Variants in RFX3 observed in about 807,000 individuals in gnomAD.
RFX3 encodes the protein transcription factor RFX3.
A neutral mutation model predicts 98.6 loss-of-function variants in RFX3; 14 were observed. The observed-to-expected ratio is 0.14, with a 90% confidence interval of 0.09 to 0.22. The LOEUF (loss-of-function observed/expected upper bound fraction) is 0.22, where lower values mean the gene tolerates loss of function less well. RFX3 is among the 10% of genes least tolerant of loss of function. RFX3 has a pLI of 1.00. For synonymous variants in RFX3, 383 were observed against 328.4 expected, an observed-to-expected ratio of 1.17 and a Z score of -1.80; for missense variants, 639 against 926.9, an observed-to-expected ratio of 0.69 and a Z score of 4.03.
intron 2 of RFX3, among the ~76,000 whole-genome samples, chr9:3,374,784 T>G (rs1403917065): frequency 2.6e-5 from 4 of 152,060 alleles, no homozygotes; most frequent in Non-Finnish European, 4.4e-5. Context: ...ACAATGTGAA[T>G]GTAATTAACA....
chr9:3,515,320 T>A (rs1423379530), intron 1 of RFX3, among the ~76,000 whole-genome samples: 1 of 152,206 alleles, frequency 6.6e-6, no homozygotes, highest in African/African-American at 2.4e-5. Context: ...ACAGATATAT[T>A]GATTCTTTGG....
chr9:3,292,498 G>A (rs556019761), intron 6 of RFX3, among the ~76,000 whole-genome samples: 2 of 152,186 alleles, frequency 1.3e-5, no homozygotes, highest in East Asian at 1.9e-4. Flanking sequence ...CTAATAAGAG[G>A]TAAAATAGAG....
chr9:3,309,334 G>A (rs1490872391), intron 4 of RFX3, among the ~76,000 whole-genome samples: 1 of 152,120 alleles, frequency 6.6e-6, no homozygotes, highest in Non-Finnish European at 1.5e-5. Context: ...AGAACCTGTA[G>A]GGTACAGGGC....
intron 2 of RFX3, among the ~76,000 whole-genome samples, chr9:3,365,277 T>C (rs949655356): frequency 4.3e-5 from 6 of 139,548 alleles, no homozygotes; most frequent in African/African-American, 1.6e-4. Context: ...TCCAGCCTGG[T>C]GACAGAGAGA....
chr9:3,246,550 G>C (rs367554564), intron 15 of RFX3, among the ~76,000 whole-genome samples: 1 of 152,214 alleles, frequency 6.6e-6, no homozygotes, highest in Admixed American at 6.5e-5. Context: ...TTGAGCATAT[G>C]AGGTAGTGGC....
At chr9:3,249,138 G>A (rs1821059288) in intron 14 of RFX3, among the ~76,000 whole-genome samples, 1 of 152,062 alleles carries the variant, frequency 6.6e-6, no homozygotes, top group Admixed American at 6.6e-5. Flanking sequence ...GTATTCTCAG[G>A]AGAAAGAGGT....
At chr9:3,387,965 C>A (rs72699077) in intron 2 of RFX3, among the ~76,000 whole-genome samples, 5,766 of 152,216 alleles carry the variant, frequency 0.038, 155 homozygotes, top group Non-Finnish European at 0.057. Flanking sequence ...CTAACAAATT[C>A]ATTTAAGATA....
intron 3 of RFX3, among the ~76,000 whole-genome samples, chr9:3,343,591 T>C (rs1482567817): frequency 6.6e-6 from 1 of 152,242 alleles, no homozygotes; most frequent in Non-Finnish European, 1.5e-5. Flanking sequence ...AAAAATTTTC[T>C]AGTCCTATTT....
chr9:3,453,422 T>A (rs767910045), intron 1 of RFX3: 1 of 152,006 alleles, frequency 6.6e-6, no homozygotes, highest in Admixed American at 6.6e-5. Context: ...TAATTCTGTC[T>A]CGGCACAGTG....
chr9:3,282,514 G>C (rs1212213768), intron 7 of RFX3, among the ~76,000 whole-genome samples: 1 of 151,690 alleles, frequency 6.6e-6, no homozygotes, highest in Admixed American at 6.6e-5. Context: ...AGAGTTGTGG[G>C]TCATTCATTC....
intron 1 of RFX3, among the ~76,000 whole-genome samples, chr9:3,466,518 A>T (rs1848237576): frequency 6.6e-6 from 1 of 152,226 alleles, no homozygotes; most frequent in African/African-American, 2.4e-5. Flanking sequence ...ATAGGTTGGC[A>T]CAAAAGTAAT....
chr9:3,286,760 A>C (rs986533514), intron 7 of RFX3, among the ~76,000 whole-genome samples: 2 of 151,872 alleles, frequency 1.3e-5, no homozygotes, highest in African/African-American at 2.4e-5. Flanking sequence ...ATCTCCCACT[A>C]AACTACTCAA....
At chr9:3,239,140 T>C (rs584887) in intron 15 of RFX3, among the ~76,000 whole-genome samples, 144,002 of 152,302 alleles carry the variant, frequency 0.95, 68,569 homozygotes, top group East Asian at 1. Flanking sequence ...TTTCCTTAAA[T>C]GTCTCCCAAA....
At chr9:3,471,841 C>T (rs1031878826) in intron 1 of RFX3, among the ~76,000 whole-genome samples, 2 of 152,234 alleles carry the variant, frequency 1.3e-5, no homozygotes, top group African/African-American at 4.8e-5. Flanking sequence ...GTCTTCACTT[C>T]TTCAGAATCT....
intron 1 of RFX3, among the ~76,000 whole-genome samples, chr9:3,467,305 AAT>A: frequency 6.8e-6 from 1 of 146,046 alleles, no homozygotes; most frequent in Non-Finnish European, 1.5e-5. Context: ...CACACACACA[AAT>A]ATATATATGT....
At chr9:3,386,063 T>A (rs1839687797) in intron 2 of RFX3, among the ~76,000 whole-genome samples, 1 of 152,204 alleles carries the variant, frequency 6.6e-6, no homozygotes, top group South Asian at 2.1e-4. Context: ...GTGTTGGTTC[T>A]GATCTAGAGT....
intron 1 of RFX3, among the ~76,000 whole-genome samples, chr9:3,459,192 A>G (rs1385243131): frequency 2.0e-5 from 3 of 152,158 alleles, no homozygotes; most frequent in Admixed American, 6.5e-5. Context: ...CAGACTTTCT[A>G]TAGAACTGTA....
rs541520700 is a variant in RFX3, at chr9:3,352,064, T to G, written c.118-5300A>C. Among the ~76,000 whole-genome samples the G allele has an allele frequency of 3.1e-3, 475 of 152,104 alleles. 1 individual carries two copies. The highest frequency in any genetic ancestry group is 5.1e-3 in the Non-Finnish European group (349 of 67,906). ...AGTGAATCTTAGTTCAACCATTCCA[T>G]AGAATACATGGCTGATATAAAAGAA... On this transcript the variant is annotated intron_variant, in intron 2 of 16. Transcript: ENST00000617270.
intron 2 of RFX3, among the ~76,000 whole-genome samples, chr9:3,366,536 C>T (rs1054276649): frequency 2.6e-5 from 4 of 152,140 alleles, no homozygotes; most frequent in African/African-American, 9.7e-5. Context: ...TCTGATATCA[C>T]TCAGTTTTGA....
Sources: gnomAD v4.1 joint callset for allele counts (sites outside exome capture counted in the v4.1 genomes callset) on GRCh38, gnomAD v4.1.1 for gene constraint, MANE v1.5 for transcripts, NCBI Gene and HGNC (gene_info 2026-07-23, HGNC 2026-07-21) for gene names.